The following CRYZL1 variants were observed in gnomAD, a reference collection of about 807,000 sequenced individuals.
The protein encoded by CRYZL1 is ferry endosomal RAB5 effector complex subunit 4.
CRYZL1 carries 34 observed loss-of-function variants against 50.6 expected under a neutral mutation model. The observed-to-expected ratio is 0.67, with a 90% CI of 0.51 to 0.89. The LOEUF (loss-of-function observed/expected upper bound fraction) is 0.89. Ranked by LOEUF, CRYZL1 falls within the 40% of genes least tolerant of loss-of-function variation. CRYZL1 has a pLI of 0.00. For missense variants in CRYZL1, 354 were observed against 402.3 expected, an observed-to-expected ratio of 0.88 and a Z score of 1.03; for synonymous variants, 125 against 134.3, an observed-to-expected ratio of 0.93 and a Z score of 0.48.
intron 2 of CRYZL1, among the ~76,000 whole-genome samples, chr21:33,624,990 C>T (rs1302900950): frequency 6.6e-6 from 1 of 151,974 alleles, no homozygotes; most frequent in East Asian, 1.9e-4. Context: ...TTTAAAAGTA[C>T]TCAAATAACA....
intron 10 of CRYZL1, 39 bp from the exon 11 acceptor site, chr21:33,595,875 A>G (rs1381236014): frequency 7.4e-7 from 1 of 1,356,150 alleles, no homozygotes; most frequent in South Asian, 1.2e-5. Flanking sequence ...AATTATTGTG[A>G]GTTTAACAGC....
intron 8 of CRYZL1, among the ~76,000 whole-genome samples, chr21:33,601,971 T>G (rs1317437181): frequency 2.0e-5 from 3 of 150,872 alleles, no homozygotes; most frequent in African/African-American, 7.3e-5. Context: ...ATTTTGAAAC[T>G]GACTTTCATT....
At chr21:33,625,131 T>C (rs779655568) in intron 2 of CRYZL1, among the ~76,000 whole-genome samples, 2 of 151,930 alleles carry the variant, frequency 1.3e-5, no homozygotes, top group Non-Finnish European at 2.9e-5. Flanking sequence ...CTTAAACACA[T>C]ATACACATAA....
intron 1 of CRYZL1, among the ~76,000 whole-genome samples, chr21:33,632,286 C>T (rs1294713585): frequency 6.6e-6 from 1 of 151,806 alleles, no homozygotes; most frequent in African/African-American, 2.4e-5. Flanking sequence ...GAGCCGAGAT[C>T]GCGCCATTGC....
chr21:33,616,075 TC>T (rs966818109), intron 5 of CRYZL1, among the ~76,000 whole-genome samples: 44 of 146,018 alleles, frequency 3.0e-4, no homozygotes, highest in East Asian at 6.1e-4. Context: ...ATGCTATCCC[TC>T]CCCCCCCCAA....
chr21:33,616,052 G>A (rs1341043089), intron 5 of CRYZL1, among the ~76,000 whole-genome samples: 2 of 151,974 alleles, frequency 1.3e-5, no homozygotes, highest in African/African-American at 4.8e-5. Context: ...TCTAGCATTA[G>A]GTATATCTCC....
rs776834306 is a variant in CRYZL1, at chr21:33,603,414, T to A, written c.455A>T (p.Asp152Val). The A allele has an allele frequency of 6.2e-7, 1 of 1,614,118 alleles. No individual in the cohort carries two copies. Among genetic ancestry groups the A allele is most frequent in the Admixed American group, 1.7e-5 (1 of 60,028 alleles). ...LSPGKSVLIMDGASAFGTIAI... is the reference protein window; with the variant it reads ...LSPGKSVLIMVGASAFGTIAI... ...ACCATTAGCACCTACACTTGCTCCA[T>A]CCATTATCAGCACTGATTTTCCAGG... Residue 152 changes from aspartate (D) to valine (V), a missense_variant, in exon 7 of 13, where the codon GAT becomes GTT. Coordinates refer to ENST00000381554, the MANE Select transcript of CRYZL1 (RefSeq NM_145858.3).
chr21:33,600,933 G>GTGTTTTT (rs2086747072), intron 8 of CRYZL1, among the ~76,000 whole-genome samples: 1 of 59,520 alleles, frequency 1.7e-5, no homozygotes, highest in East Asian at 5.1e-4. Flanking sequence ...GGTCCATAAA[G>GTGTTTTT]TTTTTTTTTT....
intron 2 of CRYZL1, among the ~76,000 whole-genome samples, chr21:33,631,178 T>C (rs2087133218): frequency 6.6e-6 from 1 of 152,234 alleles, no homozygotes; most frequent in Admixed American, 6.5e-5. Flanking sequence ...AGTATTTTAC[T>C]GATAGATATG....
chr21:33,631,981 T>G (rs1388775485), intron 1 of CRYZL1, among the ~76,000 whole-genome samples: 1 of 152,112 alleles, frequency 6.6e-6, no homozygotes, highest in Non-Finnish European at 1.5e-5. Flanking sequence ...GGTTGAAAAT[T>G]GTGGCCCTAA....
At chr21:33,624,824 T>C in intron 2 of CRYZL1, 64 bp from the exon 3 acceptor site, 1 of 1,526,464 alleles carries the variant, frequency 6.6e-7, no homozygotes, top group Non-Finnish European at 8.7e-7. Flanking sequence ...TATGTCTTTA[T>C]GCTGTGAAAA....
intron 11 of CRYZL1, chr21:33,595,453 C>G (rs1460921878): frequency 1.5e-6 from 2 of 1,375,160 alleles, no homozygotes; most frequent in Non-Finnish European, 9.7e-7. Context: ...GAGAGACTGC[C>G]TGAGTGTGAT....
chr21:33,599,361 A>AC, intron 8 of CRYZL1, 113 bp from the exon 9 acceptor site: 4 of 1,385,550 alleles, frequency 2.9e-6, no homozygotes, highest in Non-Finnish European at 4.0e-6. Flanking sequence ...AAATGAGTTA[A>AC]GCAATTCAAA....
intron 2 of CRYZL1, among the ~76,000 whole-genome samples, chr21:33,625,346 G>A (rs1268292306): frequency 1.3e-5 from 2 of 151,936 alleles, no homozygotes; most frequent in African/African-American, 2.4e-5. Context: ...CAGTAGAGAC[G>A]GGGTTTCACT....
At chr21:33,612,722 T>G (rs985659020) in intron 6 of CRYZL1, among the ~76,000 whole-genome samples, 1 of 152,242 alleles carries the variant, frequency 6.6e-6, no homozygotes, top group African/African-American at 2.4e-5. Context: ...TGTGTGTGTG[T>G]GTACATGTAC....
chr21:33,597,675 C>T (rs1423303386), intron 9 of CRYZL1, among the ~76,000 whole-genome samples: 4 of 152,068 alleles, frequency 2.6e-5, no homozygotes, highest in Non-Finnish European at 4.4e-5. Flanking sequence ...TGCAGTGGCG[C>T]GATCTAGGCT....
intron 2 of CRYZL1, among the ~76,000 whole-genome samples, chr21:33,628,127 CA>C (rs2087091388): frequency 6.6e-6 from 1 of 152,286 alleles, no homozygotes; most frequent in South Asian, 2.1e-4. Flanking sequence ...GTTACTTTCA[CA>C]ACATGTAAGA....
chr21:33,624,793 T>C (rs774868273), intron 2 of CRYZL1, 33 bp from the exon 3 acceptor site: 1 of 1,576,698 alleles, frequency 6.3e-7, no homozygotes, highest in Non-Finnish European at 8.5e-7. Context: ...CAATATGTTA[T>C]TTTACACATT....
intron 1 of CRYZL1, among the ~76,000 whole-genome samples, chr21:33,632,524 C>T (rs572771761): frequency 2.0e-5 from 3 of 151,490 alleles, no homozygotes; most frequent in South Asian, 2.1e-4. Context: ...ATTACAGGCA[C>T]GCGCCACCAT....
Sources: allele counts gnomAD v4.1 joint callset (sites outside exome capture counted in the v4.1 genomes callset), GRCh38; gene constraint gnomAD v4.1.1; transcripts MANE v1.5; gene names NCBI Gene and HGNC (gene_info 2026-07-23, HGNC 2026-07-21).